RBFOX1: variants seen among roughly 807,000 people sequenced by gnomAD.
RBFOX1 encodes RNA binding protein fox-1 homolog 1.
In RBFOX1, 8 loss-of-function variants were observed where a neutral mutation model predicts 57.7. The ratio of observed to expected loss-of-function variants is 0.14; its 90% CI spans 0.08 to 0.25. The LOEUF (loss-of-function observed/expected upper bound fraction) is 0.25. Ranked by LOEUF, RBFOX1 falls within the 10% of genes least tolerant of loss-of-function variation. The probability of loss-of-function intolerance (pLI) is 1.00; values close to 1 mark genes in which losing one functional copy is unlikely to be tolerated. For missense variants in RBFOX1, 611 were observed against 548.5 expected (o/e 1.11, Z -1.14); for synonymous variants, 326 against 222.4 (o/e 1.47, Z -4.15).
chr16:7,283,088 C>T lies in RBFOX1; in HGVS notation c.27+230990C>T, dbSNP rs189992934. 1.3e-4 allele frequency among the ~76,000 whole-genome samples: 20 copies of T among 152,148 alleles called. No individual in the cohort carries two copies. In the East Asian group the frequency reaches 1.7e-3, roughly 13 times the overall value. On this transcript the variant is annotated intron_variant, in intron 4 of 15. Transcript: ENST00000550418. ...ATGTGCAGGTATCTTTTTTGTATAA[C>T]GACTTTTTTTCCTCTGGGTAGATAC...
intron 1 of RBFOX1, among the ~76,000 whole-genome samples, chr16:6,168,401 G>C (rs969529479): frequency 6.6e-6 from 1 of 152,046 alleles, no homozygotes; most frequent in Admixed American, 6.6e-5. Flanking sequence ...TTCCTTCTAC[G>C]TAGAGCCAGG....
intron 2 of RBFOX1, among the ~76,000 whole-genome samples, chr16:5,551,069 ACT>A (rs1380728338): frequency 6.6e-6 from 1 of 152,140 alleles, no homozygotes; most frequent in African/African-American, 2.4e-5. Context: ...CTAAATACCC[ACT>A]GCATGGTTCT....
chr16:6,024,356 G>A (rs1010242727), intron 1 of RBFOX1, among the ~76,000 whole-genome samples: 1 of 152,132 alleles, frequency 6.6e-6, no homozygotes, highest in Non-Finnish European at 1.5e-5. Flanking sequence ...AATGAAAAGG[G>A]TTCCAAAAAT....
chr16:5,755,589 C>G lies in RBFOX1; in HGVS notation c.319-111714C>G, dbSNP rs537178674. ...TATTTGATCAACTTCCATCTAATTA[C>G]TTTTGTTTGTTTGTTTATTTTTTCT... On this transcript the variant is annotated intron_variant, in intron 3 of 19. Transcript: ENST00000641259. Among the ~76,000 whole-genome samples the G allele has an allele frequency of 1.6e-4, 25 of 152,172 alleles. 1 individual carries two copies. The highest frequency in any genetic ancestry group is 5.5e-4 in the African/African-American group (23 of 41,478).
chr16:7,200,892 A>G (rs13336060), intron 4 of RBFOX1, among the ~76,000 whole-genome samples: 10,104 of 152,198 alleles, frequency 0.066, 476 homozygotes, highest in African/African-American at 0.13. Context: ...GGTGGAATCT[A>G]TGTTCTAAGG....
At chr16:7,116,045 A>G (rs1567317587) in intron 4 of RBFOX1, among the ~76,000 whole-genome samples, 1 of 152,136 alleles carries the variant, frequency 6.6e-6, no homozygotes. Flanking sequence ...GCCCTTTCTC[A>G]TTTGGTTTTC....
chr16:6,517,394 A>G (rs1016422105), intron 2 of RBFOX1, among the ~76,000 whole-genome samples: 7 of 152,132 alleles, frequency 4.6e-5, no homozygotes, highest in African/African-American at 1.7e-4. Flanking sequence ...AATCTTAGGC[A>G]TGACAGTTTA....
chr16:6,929,909 G>A (rs2076227998), intron 3 of RBFOX1, among the ~76,000 whole-genome samples: 1 of 152,132 alleles, frequency 6.6e-6, no homozygotes, highest in Admixed American at 6.6e-5. Context: ...CAGAAAATGT[G>A]TGGAAGGAAA....
intron 4 of RBFOX1, among the ~76,000 whole-genome samples, chr16:7,364,181 C>G (rs1045835115): frequency 2.4e-4 from 36 of 152,268 alleles, no homozygotes; most frequent in African/African-American, 8.4e-4. Flanking sequence ...TTACGTCTGA[C>G]GAGCTCTTGT....
At chr16:5,294,935 C>T (rs1386372100) in intron 1 of RBFOX1, among the ~76,000 whole-genome samples, 1 of 148,780 alleles carries the variant, frequency 6.7e-6, no homozygotes, top group East Asian at 2.0e-4. Context: ...GAGGCTGAGG[C>T]TGGAGAATCC....
chr16:6,540,217 A>G (rs1300650475), intron 2 of RBFOX1, among the ~76,000 whole-genome samples: 2 of 151,986 alleles, frequency 1.3e-5, no homozygotes, highest in Admixed American at 6.5e-5. Context: ...TTACTTTAAC[A>G]TTCTTGAAAG....
chr16:7,071,925 A>G lies in RBFOX1; in HGVS notation c.27+19827A>G, dbSNP rs192052840. 1.3e-3 allele frequency among the ~76,000 whole-genome samples: 195 copies of G among 152,150 alleles called. 1 individual carries two copies. Among genetic ancestry groups the G allele is most frequent in the African/African-American group, 4.5e-3 (187 of 41,508 alleles). ...CTCAGCTGTTGCTCTTCACTACTAC[A>G]TCTTTTTCAGCTCTACCTTCTCCTT... On this transcript the variant is annotated intron_variant, in intron 4 of 15. Coordinates refer to ENST00000550418, the MANE Select transcript of RBFOX1 (RefSeq NM_018723.4).
rs118027797 is a variant in RBFOX1, at chr16:7,143,973, C to G, written c.27+91875C>G. ...TTTTTTTCTGAAAACAATCATAACTCTCTTTAAACCATGGTGTTGTCTTTG... is the reference window on the plus strand; with the variant it reads ...TTTTTTTCTGAAAACAATCATAACTGTCTTTAAACCATGGTGTTGTCTTTG... On this transcript the variant is annotated intron_variant, in intron 4 of 15. Coordinates refer to ENST00000550418, the MANE Select transcript of RBFOX1 (RefSeq NM_018723.4). Among the ~76,000 whole-genome samples the G allele has an allele frequency of 8.6e-3, 1,309 of 152,206 alleles. 13 individuals carry two copies. The highest frequency in any genetic ancestry group is 0.014 in the Non-Finnish European group (923 of 68,020).
At chr16:5,379,940 G>T (rs1038550476) in intron 1 of RBFOX1, among the ~76,000 whole-genome samples, 3 of 152,184 alleles carry the variant, frequency 2.0e-5, no homozygotes, top group African/African-American at 7.2e-5. Context: ...AGCGCTTGGG[G>T]CGTTGGAGGA....
At chr16:6,520,949 A>G (rs968683671) in intron 2 of RBFOX1, among the ~76,000 whole-genome samples, 3 of 151,248 alleles carry the variant, frequency 2.0e-5, no homozygotes, top group African/African-American at 7.3e-5. Context: ...TAGGGGGGGA[A>G]AAAAATAATT....
At chr16:6,154,892 G>A (rs960426890) in intron 1 of RBFOX1, among the ~76,000 whole-genome samples, 2 of 152,142 alleles carry the variant, frequency 1.3e-5, no homozygotes, top group African/African-American at 4.8e-5. Context: ...AAGCAATTGT[G>A]TGTTTCCATA....
chr16:6,986,348 G>C (rs34046855), intron 3 of RBFOX1, among the ~76,000 whole-genome samples: 1,914 of 152,170 alleles, frequency 0.013, 33 homozygotes, highest in Non-Finnish European at 0.016. Context: ...GCAGGCGTCT[G>C]CCACCATGTC....
chr16:6,086,378 A>G (rs779602991), intron 1 of RBFOX1, among the ~76,000 whole-genome samples: 2 of 152,086 alleles, frequency 1.3e-5, no homozygotes, highest in Non-Finnish European at 2.9e-5. Context: ...CTGCTGCCCA[A>G]AGTTACTCTG....
chr16:7,621,494 T>G (rs1468636621), intron 10 of RBFOX1, among the ~76,000 whole-genome samples: 1 of 152,156 alleles, frequency 6.6e-6, no homozygotes, highest in Non-Finnish European at 1.5e-5. Context: ...ACTCCTGGCC[T>G]CAAGTGATCC....
Sources: gnomAD v4.1 joint callset for allele counts (sites outside exome capture counted in the v4.1 genomes callset) on GRCh38, gnomAD v4.1.1 for gene constraint, MANE v1.5 for transcripts, NCBI Gene and HGNC (gene_info 2026-07-23, HGNC 2026-07-21) for gene names.